Variants in SPATA13 observed in about 807,000 individuals in gnomAD.
The protein encoded by SPATA13 is spermatogenesis-associated protein 13.
A neutral mutation model predicts 104.0 loss-of-function variants in SPATA13; 50 were observed. The ratio of observed to expected loss-of-function variants is 0.48; its 90% confidence interval spans 0.38 to 0.61. The LOEUF (loss-of-function observed/expected upper bound fraction) is 0.61, where lower values mean the gene tolerates loss of function less well. Among genes scored for constraint, SPATA13 ranks in the 20% least tolerant of loss-of-function variants. The pLI is 0.00. For synonymous variants in SPATA13, 606 were observed against 667.5 expected (o/e 0.91, Z 1.42); for missense variants, 1,524 against 1,690.6 (o/e 0.90, Z 1.73).
chr13:24,276,320 G>A (rs905207525), intron 4 of SPATA13, among the ~76,000 whole-genome samples: 5 of 152,164 alleles, frequency 3.3e-5, no homozygotes, highest in African/African-American at 1.2e-4. Context: ...ATATTATATA[G>A]TGTTTAAAAA....
At chr13:24,237,485 T>C (rs1872626118) in intron 2 of SPATA13, among the ~76,000 whole-genome samples, 1 of 152,172 alleles carries the variant, frequency 6.6e-6, no homozygotes, top group African/African-American at 2.4e-5. Context: ...ATGAGATCCG[T>C]AGAGTAGTCA....
chr13:24,089,230 C>T (rs1192930689), intron 3 of SPATA13, among the ~76,000 whole-genome samples: 3 of 152,158 alleles, frequency 2.0e-5, no homozygotes, highest in Non-Finnish European at 2.9e-5. Flanking sequence ...ATGCCCATGC[C>T]GGCCAGCCTC....
intron 3 of SPATA13, chr13:24,123,401 G>T: frequency 7.8e-7 from 1 of 1,284,080 alleles, no homozygotes; most frequent in Non-Finnish European, 1.1e-6. Context: ...CTAGTTCACT[G>T]CTGAAGAGGG....
At chr13:24,237,893 T>TAAACATACATGTTTAAATATGCAATATAC (rs1566166869) in intron 2 of SPATA13, among the ~76,000 whole-genome samples, 1 of 143,516 alleles carries the variant, frequency 7.0e-6, no homozygotes, top group Non-Finnish European at 1.5e-5. Context: ...TTATAATATA[T>TAAACATACATGTTTAAATATGCAATATAC]AAACATACAT....
intron 1 of SPATA13, among the ~76,000 whole-genome samples, chr13:23,980,117 AT>A (rs1440993307): frequency 6.6e-6 from 1 of 152,114 alleles, no homozygotes; most frequent in African/African-American, 2.4e-5. Context: ...AGAAGTTGTC[AT>A]GGCCGAGCTT....
chr13:24,260,085 G>A (rs1237061533), intron 4 of SPATA13, among the ~76,000 whole-genome samples: 1 of 152,166 alleles, frequency 6.6e-6, no homozygotes, highest in Non-Finnish European at 1.5e-5. Flanking sequence ...TTCCTACAGA[G>A]CTGCCAGTGT....
chr13:24,008,438 T>C (rs2032837981), intron 2 of SPATA13, among the ~76,000 whole-genome samples: 1 of 152,200 alleles, frequency 6.6e-6, no homozygotes, highest in African/African-American at 2.4e-5. Context: ...CAGCTCTTAG[T>C]GCCTTCGTCA....
At chr13:24,053,999 G>A (rs755803655) in intron 3 of SPATA13, among the ~76,000 whole-genome samples, 7 of 152,168 alleles carry the variant, frequency 4.6e-5, no homozygotes, top group African/African-American at 1.4e-4. Context: ...CCTCTGTGTC[G>A]TTGGGGTGAC....
chr13:24,214,571 A>C lies in SPATA13; in HGVS notation c.-111-8248A>C, dbSNP rs375012642. Among the ~76,000 whole-genome samples the C allele has an allele frequency of 2.0e-5, 3 of 152,304 alleles. No homozygotes were observed. The East Asian group carries it at 5.8e-4, about 29-fold the overall frequency. ...CACAGGTCACATAACAAAGCAATTC[A>C]AAGCAAAGAACCCTGACCCCAAATT... On this transcript the variant is annotated intron_variant, in intron 1 of 12. Coordinates refer to ENST00000382108, the MANE Select transcript of SPATA13 (RefSeq NM_001166271.3).
chr13:24,228,305 C>T (rs1440263928), intron 2 of SPATA13, among the ~76,000 whole-genome samples: 1 of 151,904 alleles, frequency 6.6e-6, no homozygotes, highest in African/African-American at 2.4e-5. Flanking sequence ...TTAGTAGAGA[C>T]GGAGTTTTAC....
At chr13:24,110,013 G>A (rs770368668) in intron 3 of SPATA13, among the ~76,000 whole-genome samples, 7 of 147,272 alleles carry the variant, frequency 4.8e-5, no homozygotes, top group Non-Finnish European at 8.9e-5. Flanking sequence ...TTTCTATCTC[G>A]GATGCTCTTA....
At chr13:24,162,973 C>G (rs1882568762) in intron 1 of SPATA13, among the ~76,000 whole-genome samples, 1 of 152,248 alleles carries the variant, frequency 6.6e-6, no homozygotes, top group South Asian at 2.1e-4. Context: ...ACCTGTAGGA[C>G]AGTGCATGGA....
At chr13:24,255,851 A>C (rs911358991) in intron 4 of SPATA13, among the ~76,000 whole-genome samples, 1 of 152,264 alleles carries the variant, frequency 6.6e-6, no homozygotes, top group Non-Finnish European at 1.5e-5. Flanking sequence ...TCAGCAAACC[A>C]GCTGTAAAAG....
At chr13:24,283,702 CTGG>C (rs1237423678) in intron 4 of SPATA13, among the ~76,000 whole-genome samples, 1 of 152,192 alleles carries the variant, frequency 6.6e-6, no homozygotes, top group African/African-American at 2.4e-5. Flanking sequence ...TTGGGATGTA[CTGG>C]TTTTAGTAAT....
rs990562295 is a variant in SPATA13 at position 24,305,352 on chromosome 13, C to T, written c.*2579C>T. 1 of 152,126 alleles carries T rather than the reference C, an allele frequency of 6.6e-6. No individual in the cohort carries two copies. Among genetic ancestry groups the T allele is most frequent in the Non-Finnish European group, 1.5e-5 (1 of 68,008 alleles). 9.4% of individuals were successfully genotyped at this position (152,126 alleles called of 1,614,324 possible). On this transcript the variant is annotated 3_prime_UTR_variant, in exon 13 of 13. Transcript: ENST00000382108. Reference sequence around the variant, plus strand: ...AGTTTTATAGAGTGTGAGGGTCACTCCATTAAAGATCTCTCCTGGGTGGAT... The same window carrying T: ...AGTTTTATAGAGTGTGAGGGTCACTTCATTAAAGATCTCTCCTGGGTGGAT...
chr13:24,200,711 A>G (rs561678403), intron 1 of SPATA13, among the ~76,000 whole-genome samples: 165 of 130,044 alleles, frequency 1.3e-3, no homozygotes, highest in African/African-American at 3.7e-3. Flanking sequence ...CTTAAATTAC[A>G]CGTGTGATTA....
rs149043401 is a variant in SPATA13, at chr13:24,002,724, C to T, written c.-146-14943C>T. Among the ~76,000 whole-genome samples the T allele has an allele frequency of 4.9e-4, 74 of 152,280 alleles. 1 individual carries two copies. The highest frequency in any genetic ancestry group is 1.7e-3 in the African/African-American group (71 of 41,538). On this transcript the variant is annotated intron_variant, in intron 2 of 14. Coordinates refer to the SPATA13 transcript ENST00000424834. ...AGCATCCAGTGCACCTGTGACCCCC[C>T]GAGCACAAGCACTGGCTGTACCCTC... is the stretch of plus-strand genomic sequence containing the variant.
chr13:24,002,897 G>C (rs1876044718), intron 2 of SPATA13, among the ~76,000 whole-genome samples: 1 of 152,148 alleles, frequency 6.6e-6, no homozygotes, highest in African/African-American at 2.4e-5. Context: ...GGCCCTATTG[G>C]AACCTTCGCT....
chr13:24,304,573 C>T lies in SPATA13; in HGVS notation c.*1800C>T, dbSNP rs933776307. The T allele has an allele frequency of 6.6e-6, 1 of 152,262 alleles. No individual in the cohort carries two copies. Among genetic ancestry groups the T allele is most frequent in the East Asian group, 1.9e-4 (1 of 5,206 alleles). The allele number at this position is 152,262 out of a possible 1,614,324, so 9.4% of individuals were successfully genotyped here. On this transcript the variant is annotated 3_prime_UTR_variant, in exon 13 of 13. Coordinates refer to ENST00000382108, the MANE Select transcript of SPATA13 (RefSeq NM_001166271.3). ...GGCACCTCCCTTCTCCCCTGCAGCC[C>T]CCCACATCCAGAGCCGTTCCTGAGA...
Sources: allele counts gnomAD v4.1 joint callset (sites outside exome capture counted in the v4.1 genomes callset), GRCh38; gene constraint gnomAD v4.1.1; transcripts MANE v1.5; gene names NCBI Gene and HGNC (gene_info 2026-07-23, HGNC 2026-07-21).